BNC2: variants seen among roughly 807,000 people sequenced by gnomAD.
BNC2 encodes the protein zinc finger protein basonuclin-2.
In BNC2, 20 loss-of-function variants were observed where a neutral mutation model predicts 76.3. That is an observed-to-expected ratio of 0.26 (90% CI 0.18 to 0.38). BNC2 has a LOEUF of 0.38. Ranked by LOEUF, BNC2 falls within the 10% of genes least tolerant of loss-of-function variation. The probability of loss-of-function intolerance (pLI) is 1.00; values close to 1 mark genes in which losing one functional copy is unlikely to be tolerated. For missense variants in BNC2, 1,382 were observed against 1,399.8 expected (o/e 0.99, Z 0.20); for synonymous variants, 582 against 514.8 (o/e 1.13, Z -1.77).
At chr9:16,724,969 AT>A (rs753847478) in intron 3 of BNC2, among the ~76,000 whole-genome samples, 35 of 152,138 alleles carry the variant, frequency 2.3e-4, no homozygotes, top group African/African-American at 5.5e-4. Context: ...TTTAAAAAAA[AT>A]AACCCAATAA....
intron 3 of BNC2, among the ~76,000 whole-genome samples, chr9:16,671,271 T>C (rs981693945): frequency 1.3e-5 from 2 of 151,904 alleles, no homozygotes; most frequent in Admixed American, 6.6e-5. Context: ...CTAAAAGACA[T>C]CCTAAAATGT....
intron 5 of BNC2, among the ~76,000 whole-genome samples, chr9:16,464,548 GATAAGATTAAATAATTAAT>G (rs556424438): frequency 0.01 from 1,546 of 152,186 alleles, 29 homozygotes; most frequent in African/African-American, 0.035. Context: ...TTTGCAGACT[GATAAGATTAAATAATTAAT>G]ATAAGATTAA....
intron 5 of BNC2, among the ~76,000 whole-genome samples, chr9:16,443,064 C>CAAAAAAA: frequency 1.6e-5 from 1 of 63,672 alleles, no homozygotes; most frequent in South Asian, 6.1e-4. Context: ...GAGACTCTGT[C>CAAAAAAA]AAAAAAAAAA....
intron 5 of BNC2, among the ~76,000 whole-genome samples, chr9:16,514,718 T>C (rs1822838328): frequency 6.6e-6 from 1 of 152,224 alleles, no homozygotes; most frequent in African/African-American, 2.4e-5. Context: ...TAAGGAGTCT[T>C]AATTTCTATA....
At chr9:16,866,673 A>C in intron 1 of BNC2, among the ~76,000 whole-genome samples, 1 of 151,536 alleles carries the variant, frequency 6.6e-6, no homozygotes, top group South Asian at 2.1e-4. Context: ...TAAAAAAAAA[A>C]AAAAAAAAAA....
intron 1 of BNC2, among the ~76,000 whole-genome samples, chr9:16,803,360 G>C (rs1022756788): frequency 1.1e-4 from 17 of 152,116 alleles, no homozygotes; most frequent in African/African-American, 4.1e-4. Flanking sequence ...TTTATAATAC[G>C]TACCTCTGCC....
chr9:16,515,975 T>G (rs1587121353), intron 5 of BNC2, among the ~76,000 whole-genome samples: 1 of 149,198 alleles, frequency 6.7e-6, no homozygotes, highest in African/African-American at 2.5e-5. Flanking sequence ...GCCACTACCA[T>G]AAAAGGAAGA....
chr9:16,595,136 T>C (rs572617858), intron 3 of BNC2, among the ~76,000 whole-genome samples: 1 of 152,192 alleles, frequency 6.6e-6, no homozygotes, highest in Non-Finnish European at 1.5e-5. Flanking sequence ...CTGAAAACAG[T>C]GAGACAAGAT....
chr9:16,583,597 T>C (rs181222992), intron 3 of BNC2, among the ~76,000 whole-genome samples: 523 of 152,292 alleles, frequency 3.4e-3, no homozygotes, highest in African/African-American at 0.012. Flanking sequence ...AAATATATTT[T>C]AAAGACACTC....
chr9:16,419,352 T>C lies in BNC2; in HGVS notation c.2937A>G (p.Glu979=). Residue 979 remains glutamate (E), a synonymous_variant, in exon 7 of 7, where the codon GAA becomes GAG. Transcript: ENST00000380672. ...QSSSSIHSSR[E]SDAGSDEGIL... is the part of the protein sequence containing the mutation. ...TCCCCTCATCGCTGCCTGCGTCGGA[T>C]TCTCTGGAGGAATGGATACTGCTGC... is the stretch of plus-strand genomic sequence containing the variant. The C allele has an allele frequency of 1.2e-6, 2 of 1,610,304 alleles. No homozygotes were observed. Among genetic ancestry groups the C allele is most frequent in the Non-Finnish European group, 1.7e-6 (2 of 1,177,632 alleles).
chr9:16,713,445 CTT>C (rs34090221), intron 3 of BNC2, among the ~76,000 whole-genome samples: 32,279 of 127,898 alleles, frequency 0.25, 5,495 homozygotes, highest in East Asian at 0.55. Flanking sequence ...GGAAAAGGCA[CTT>C]TTTTTTTTTT....
At chr9:16,471,562 G>A (rs1311285464) in intron 5 of BNC2, among the ~76,000 whole-genome samples, 2 of 152,160 alleles carry the variant, frequency 1.3e-5, no homozygotes, top group Non-Finnish European at 2.9e-5. Flanking sequence ...AAAGTGCCAG[G>A]ATTACAGGCG....
At chr9:16,457,712 T>C (rs1821485411) in intron 5 of BNC2, among the ~76,000 whole-genome samples, 1 of 152,088 alleles carries the variant, frequency 6.6e-6, no homozygotes, top group Non-Finnish European at 1.5e-5. Context: ...ATAAAGCATA[T>C]TATTTACAGT....
At chr9:16,824,882 ATTGT>A (rs1818416231) in intron 1 of BNC2, among the ~76,000 whole-genome samples, 2 of 152,100 alleles carry the variant, frequency 1.3e-5, no homozygotes, top group South Asian at 4.2e-4. Flanking sequence ...CTGTGCATAG[ATTGT>A]TTGGGAGGGG....
At position 16,592,789 on chromosome 9, in the gene BNC2, A is replaced by C. The variant is rs186229144; in HGVS notation, c.331-9704T>G. On this transcript the variant is annotated intron_variant, in intron 3 of 6. Transcript: ENST00000380672. ...CATAAGATATCATTCCCCAGGAGAC[A>C]TAATGCAGCACATCTTTTGCCCAGT... Among the ~76,000 whole-genome samples, 4 of 152,298 alleles carry C rather than the reference A, an allele frequency of 2.6e-5. No homozygotes were observed. The East Asian group carries it at 7.7e-4, about 29-fold the overall frequency.
At chr9:16,752,613 T>C (rs1287321152) in intron 1 of BNC2, among the ~76,000 whole-genome samples, 1 of 100,238 alleles carries the variant, frequency 1.0e-5, no homozygotes, top group Non-Finnish European at 3.1e-5. Context: ...CTCAAATTGC[T>C]AGATTTTTTT....
chr9:16,747,038 T>G (rs1334089952), intron 1 of BNC2, among the ~76,000 whole-genome samples: 1 of 151,642 alleles, frequency 6.6e-6, no homozygotes, highest in East Asian at 1.9e-4. Flanking sequence ...ACATCTGAAA[T>G]TCTTCCCATT....
intron 4 of BNC2, chr9:16,579,776 G>C (rs1819581488): frequency 4.7e-6 from 1 of 214,638 alleles, no homozygotes; most frequent in Non-Finnish European, 9.1e-6. Flanking sequence ...CAACATCTTA[G>C]GAATGAACTG....
At chr9:16,756,119 A>G (rs370360750) in intron 1 of BNC2, among the ~76,000 whole-genome samples, 49 of 152,352 alleles carry the variant, frequency 3.2e-4, no homozygotes, top group Middle Eastern at 3.4e-3. Flanking sequence ...ATGAGAAGTT[A>G]TTAAGAATAT....
Sources: gnomAD v4.1 joint callset for allele counts (sites outside exome capture counted in the v4.1 genomes callset) on GRCh38, gnomAD v4.1.1 for gene constraint, MANE v1.5 for transcripts, NCBI Gene and HGNC (gene_info 2026-07-23, HGNC 2026-07-21) for gene names.